DBH: variants seen among roughly 807,000 people sequenced by gnomAD.
The protein encoded by DBH is dopamine beta-hydroxylase (dopamine beta-monooxygenase).
DBH carries 49 observed loss-of-function variants against 64.0 expected under a neutral mutation model. The ratio of observed to expected loss-of-function variants is 0.77; its 90% CI spans 0.61 to 0.97. The LOEUF is 0.97. Among genes scored for constraint, DBH ranks in the 50% least tolerant of loss-of-function variants. The probability of loss-of-function intolerance (pLI) is 0.00; values close to 1 mark genes in which losing one functional copy is unlikely to be tolerated. For missense variants in DBH, 828 were observed against 826.6 expected, an observed-to-expected ratio of 1.00 and a Z score of -0.02; for synonymous variants, 343 against 347.1, an observed-to-expected ratio of 0.99 and a Z score of 0.13.
At chr9:133,655,978 G>T (rs185573115) in intron 9 of DBH, 1 of 160,914 alleles carries the variant, frequency 6.2e-6, no homozygotes, top group East Asian at 1.8e-4. Flanking sequence ...GGAGGTTGTC[G>T]CGGCCTCTAG....
chr9:133,647,867 T>A lies in DBH; in HGVS notation c.1046T>A (p.Ile349Asn), dbSNP rs565384089. The change falls in exon 6 of 12, where the codon ATC (isoleucine) becomes AAC (asparagine). Residue 349 changes from isoleucine to asparagine, a missense_variant. Coordinates refer to ENST00000393056, the MANE Select transcript of DBH (RefSeq NM_000787.4). Reference sequence around the variant, plus strand: ...CCAGGACGAAACGACTCCTCAGGCATCCGCTTGTACTACACAGCCAAGCTG... The same window carrying A: ...CCAGGACGAAACGACTCCTCAGGCAACCGCTTGTACTACACAGCCAAGCTG... ...VIEGRNDSSGIRLYYTAKLRR... is the reference protein window; with the variant it reads ...VIEGRNDSSGNRLYYTAKLRR... 1 of 1,614,196 alleles carries A rather than the reference T, an allele frequency of 6.2e-7. No homozygotes were observed. The highest frequency in any genetic ancestry group is 8.5e-7 in the Non-Finnish European group (1 of 1,180,036).
Position 133,657,249 on chromosome 9 carries a change from G to C in DBH, c.1722+20G>C. 5.0e-6 allele frequency: 8 copies of C among 1,613,090 alleles called. No homozygotes were observed. Among genetic ancestry groups the C allele is most frequent in the South Asian group, 1.1e-5 (1 of 91,086 alleles). On this transcript the variant is annotated intron_variant, in intron 11 of 11. Coordinates refer to ENST00000393056, the MANE Select transcript of DBH (RefSeq NM_000787.4). ...TTCCAGGTGCGCTGCCATGGGCCCG[G>C]GTGGGGCATGCAGTCAGGCAGGCCT...
intron 6 of DBH, among the ~76,000 whole-genome samples, chr9:133,648,748 A>G (rs1832212336): frequency 6.6e-6 from 1 of 152,244 alleles, no homozygotes; most frequent in Non-Finnish European, 1.5e-5. Flanking sequence ...TGGTGAGTTC[A>G]GAGAGTGACT....
rs774364034 is a variant in DBH, at chr9:133,643,603, G to A, written c.921+14G>A. The A allele has an allele frequency of 3.2e-5, 51 of 1,612,698 alleles. 1 individual carries two copies. The highest frequency in any genetic ancestry group is 2.7e-4 in the South Asian group (25 of 91,044). ...CTGGGTGCCAAGGTGCGTGCCCTGC[G>A]ACCCCAGCATGGTGTCTCCTGCCTG... is the stretch of plus-strand genomic sequence containing the variant. On this transcript the variant is annotated intron_variant, in intron 4 of 11. Transcript: ENST00000393056. This position sits in a 1 kb window ranked among gnomAD's most constrained non-coding sequence, Gnocchi z 5.3.
At chr9:133,657,463 AGG>A in intron 11 of DBH, 8 of 378,084 alleles carry the variant, frequency 2.1e-5, no homozygotes. Flanking sequence ...AGAGAGGGAG[AGG>A]GAGAGAGGGA....
intron 9 of DBH, chr9:133,656,087 C>T (rs745657707): frequency 9.2e-5 from 29 of 314,880 alleles, no homozygotes; most frequent in Non-Finnish European, 1.4e-4. Flanking sequence ...GCCTCCCTTG[C>T]AGTCCTTGGC....
chr9:133,653,393 A>G (rs936406148), intron 9 of DBH, among the ~76,000 whole-genome samples: 7 of 152,190 alleles, frequency 4.6e-5, no homozygotes, highest in Non-Finnish European at 7.3e-5. Context: ...AAGGTGCACC[A>G]GGGAGACAGG....
In DBH at chr9:133,642,215, T is replaced by A; in HGVS notation, c.495T>A (p.Thr165=). The A allele has an allele frequency of 6.2e-7, 1 of 1,613,370 alleles. No individual in the cohort carries two copies. The highest frequency in any genetic ancestry group is 8.5e-7 in the Non-Finnish European group (1 of 1,179,984). The change falls in exon 3 of 12, where the codon ACT becomes ACA. Residue 165 remains threonine (T), a synonymous_variant. Coordinates refer to ENST00000393056, the MANE Select transcript of DBH (RefSeq NM_000787.4). ...DPKDYLIEDG[T]VHLVYGILEE... ...CCCTGTCTCGGCTGCAGGACGGCACTGTCCACTTGGTCTACGGGATCCTGG... is the reference window on the plus strand; with the variant it reads ...CCCTGTCTCGGCTGCAGGACGGCACAGTCCACTTGGTCTACGGGATCCTGG...
At chr9:133,637,833 A>G (rs926393943) in intron 1 of DBH, among the ~76,000 whole-genome samples, 3 of 152,168 alleles carry the variant, frequency 2.0e-5, no homozygotes. Context: ...GGGTGAGTGG[A>G]GCTGCCTGGG....
rs1456966731 is a variant in DBH at position 133,642,363 on chromosome 9, G to A, written c.643G>A (p.Glu215Lys). Reference protein sequence around the residue: ...PELPSDACTMEVQAPNIQIPS... With the variant: ...PELPSDACTMKVQAPNIQIPS... Reference sequence around the variant, plus strand: ...GTTGCCCTCAGACGCGTGCACCATGGAGGTCCAAGCTCCCAATATCCAGAT... The same window carrying A: ...GTTGCCCTCAGACGCGTGCACCATGAAGGTCCAAGCTCCCAATATCCAGAT... The change falls in exon 3 of 12, where the codon GAG (glutamate) becomes AAG (lysine). Residue 215 changes from glutamate (E) to lysine (K), a missense_variant. Coordinates refer to ENST00000393056, the MANE Select transcript of DBH (RefSeq NM_000787.4). The A allele has an allele frequency of 1.8e-5, 29 of 1,614,158 alleles. No homozygotes were observed. The highest frequency in any genetic ancestry group is 2.5e-5 in the Non-Finnish European group (29 of 1,180,012).
intron 1 of DBH, among the ~76,000 whole-genome samples, chr9:133,638,607 G>T (rs1832079435): frequency 6.6e-6 from 1 of 152,096 alleles, no homozygotes; most frequent in South Asian, 2.1e-4. Context: ...GGGCAATATT[G>T]GCCTGGGGTG....
Position 133,657,106 on chromosome 9 carries a change from G to T in DBH, c.1599G>T (p.Ala533=). ...AGGATGTCTGCACCTGCCCTCAGGC[G>T]TCCGTGTCTCAGCAGTTCACCTCTG... The part of the protein sequence containing the change: ...NNEDVCTCPQ[A]SVSQQFTSVP... Residue 533 remains alanine, a synonymous_variant, in exon 11 of 12, where the codon GCG becomes GCT. Transcript: ENST00000393056. The T allele has an allele frequency of 6.2e-7, 1 of 1,614,034 alleles. No homozygotes were observed.
chr9:133,636,703 A>G lies in DBH; in HGVS notation c.332A>G (p.Tyr111Cys), dbSNP rs373512258. The G allele has an allele frequency of 3.7e-6, 6 of 1,601,732 alleles. No homozygotes were observed. The African/African-American group carries it at 8.0e-5, about 21-fold the overall frequency. The stretch of plus-strand genomic sequence containing the variant: ...CTCTGGACCGATGGGGACACTGCCT[A>G]TTTTGCGGTGAGTCTCTCCTCCCTG... Reference protein sequence around the residue: ...VVLWTDGDTAYFADAWSDQKG... With the variant: ...VVLWTDGDTACFADAWSDQKG... The change falls in exon 1 of 12, where the codon TAT (tyrosine) becomes TGT (cysteine). Residue 111 changes from tyrosine (Y) to cysteine (C), a missense_variant. By Grantham distance (194) the Tyr-to-Cys change is radical. Coordinates refer to ENST00000393056, the MANE Select transcript of DBH (RefSeq NM_000787.4).
rs1423448809 is a variant in DBH at position 133,658,461 on chromosome 9, C to T, written c.*14C>T. The T allele has an allele frequency of 1.3e-6, 2 of 1,596,194 alleles. No individual in the cohort carries two copies. The highest frequency in any genetic ancestry group is 1.7e-4 in the Middle Eastern group (1 of 5,726). On this transcript the variant is annotated 3_prime_UTR_variant, in exon 12 of 12. Coordinates refer to ENST00000393056, the MANE Select transcript of DBH (RefSeq NM_000787.4). Reference sequence around the variant, plus strand: ...GGCAAAGGCTGAGGGGGGACCTACTCCTCCCCCTCCTCCATGCTGTCCCTG... The same window carrying T: ...GGCAAAGGCTGAGGGGGGACCTACTTCTCCCCCTCCTCCATGCTGTCCCTG...
At chr9:133,642,887 G>A (rs369094221) in intron 3 of DBH, among the ~76,000 whole-genome samples, 13 of 152,300 alleles carry the variant, frequency 8.5e-5, no homozygotes, top group African/African-American at 3.1e-4. Context: ...CACTAGTCCC[G>A]GGGGAGGGGC....
At chr9:133,652,428 G>T (rs1295023676) in intron 8 of DBH, 144 bp downstream of exon 8, 31 of 973,580 alleles carry the variant, frequency 3.2e-5, no homozygotes, top group Admixed American at 2.1e-4. Flanking sequence ...GGTGCCTGTG[G>T]GTGGCTCTGG....
chr9:133,640,110 A>G lies in DBH; in HGVS notation c.486+118A>G, dbSNP rs1832101273. Reference sequence around the variant, plus strand: ...ATAAGTCTGGGGCCTGGGCCTGGCCAGCTATGACAGAGAGAAAGCCAAGGA... The same window carrying G: ...ATAAGTCTGGGGCCTGGGCCTGGCCGGCTATGACAGAGAGAAAGCCAAGGA... On this transcript the variant is annotated intron_variant, in intron 2 of 11. Transcript: ENST00000393056. 4 of 1,378,490 alleles carry G rather than the reference A, an allele frequency of 2.9e-6. No homozygotes were observed. The East Asian group carries it at 7.2e-5, about 25-fold the overall frequency. The allele number at this position is 1,378,490 out of a possible 1,614,324, so 85.4% of individuals were successfully genotyped here.
At chr9:133,646,325 G>A (rs978268114) in intron 5 of DBH, among the ~76,000 whole-genome samples, 17 of 32,484 alleles carry the variant, frequency 5.2e-4, no homozygotes, top group African/African-American at 3.6e-3. Flanking sequence ...AGACCACCCC[G>A]CCATGTCCGC....
intron 6 of DBH, among the ~76,000 whole-genome samples, chr9:133,649,717 G>A (rs1003653022): frequency 2.6e-5 from 4 of 152,228 alleles, no homozygotes; most frequent in South Asian, 4.1e-4. Flanking sequence ...CTGGTGAAGC[G>A]TGGGCCCATG....
Sources: allele counts gnomAD v4.1 joint callset (sites outside exome capture counted in the v4.1 genomes callset), GRCh38; gene constraint gnomAD v4.1.1; non-coding constraint Gnocchi (gnomAD v3.1); transcripts MANE v1.5; gene names NCBI Gene and HGNC (gene_info 2026-07-23, HGNC 2026-07-21).